The following ZNF804A variants were observed in gnomAD, a reference collection of about 807,000 sequenced individuals.
ZNF804A encodes zinc finger protein 804A.
In ZNF804A, 2 loss-of-function variants were observed where a neutral mutation model predicts 16.5. That is an observed-to-expected ratio of 0.12 (90% confidence interval 0.05 to 0.38). The LOEUF (loss-of-function observed/expected upper bound fraction) is 0.38. ZNF804A is among the 10% of genes least tolerant of loss of function. The pLI is 0.99. For synonymous variants in ZNF804A, 534 were observed against 489.6 expected (o/e 1.09, Z -1.20); for missense variants, 1,473 against 1,390.7 (o/e 1.06, Z -0.94).
intron 1 of ZNF804A, among the ~76,000 whole-genome samples, chr2:184,774,108 G>A (rs1375987946): frequency 6.6e-6 from 1 of 151,798 alleles, no homozygotes; most frequent in African/African-American, 2.4e-5. Context: ...GGTATTTTGT[G>A]TATTTAAAAA....
chr2:184,725,087 T>G (rs1403342828), intron 1 of ZNF804A, among the ~76,000 whole-genome samples: 1 of 151,708 alleles, frequency 6.6e-6, no homozygotes, highest in African/African-American at 2.4e-5. Context: ...ACACAGTGAT[T>G]AGCTACTAGG....
At chr2:184,653,806 T>C (rs1280006337) in intron 1 of ZNF804A, among the ~76,000 whole-genome samples, 1 of 152,194 alleles carries the variant, frequency 6.6e-6, no homozygotes, top group East Asian at 1.9e-4. Flanking sequence ...GCAGTTTGGC[T>C]TTTAATGTCC....
intron 1 of ZNF804A, among the ~76,000 whole-genome samples, chr2:184,792,784 C>A (rs1362208725): frequency 6.6e-6 from 1 of 151,488 alleles, no homozygotes; most frequent in African/African-American, 2.4e-5. Flanking sequence ...TTTTTTCCAA[C>A]TTTTATTTTA....
chr2:184,847,590 A>G (rs1198850455), intron 1 of ZNF804A, among the ~76,000 whole-genome samples: 4 of 152,074 alleles, frequency 2.6e-5, no homozygotes, highest in Non-Finnish European at 5.9e-5. Flanking sequence ...ATGTATTTCT[A>G]CAACAACACT....
intron 1 of ZNF804A, among the ~76,000 whole-genome samples, chr2:184,699,980 A>G (rs562481770): frequency 1.3e-5 from 2 of 152,182 alleles, no homozygotes; most frequent in South Asian, 4.1e-4. Flanking sequence ...CCTGCCTCTA[A>G]GAGCAGTGCA....
At chr2:184,738,175 A>G (rs1693660580) in intron 1 of ZNF804A, among the ~76,000 whole-genome samples, 1 of 152,060 alleles carries the variant, frequency 6.6e-6, no homozygotes, top group Non-Finnish European at 1.5e-5. Flanking sequence ...ATGGAAGCCA[A>G]TGAAGTGAAA....
Position 184,938,108 on chromosome 2 carries a change from T to C in ZNF804A, c.2712T>C (p.Ser904=), listed in dbSNP as rs562484318. The C allele has an allele frequency of 6.2e-6, 10 of 1,614,176 alleles. No individual in the cohort carries two copies. In the South Asian group the frequency reaches 8.8e-5, roughly 14 times the overall value. The stretch of plus-strand genomic sequence containing the variant: ...AGCATTTAGAAATGGAGACCACTTC[T>C]GGTGAATTGTCAGATGTTTCCAATG... ...ETEHLEMETT[S]GELSDVSNDP... The change falls in exon 4 of 4, where the codon TCT becomes TCC. Residue 904 remains serine, a synonymous_variant. Coordinates refer to ENST00000302277, the MANE Select transcript of ZNF804A (RefSeq NM_194250.2).
At chr2:184,693,101 AT>A (rs1008600579) in intron 1 of ZNF804A, among the ~76,000 whole-genome samples, 119 of 152,280 alleles carry the variant, frequency 7.8e-4, no homozygotes, top group African/African-American at 2.7e-3. Context: ...GAAATCATTC[AT>A]TGTGGGGTTA....
intron 2 of ZNF804A, among the ~76,000 whole-genome samples, chr2:184,901,487 G>A (rs1685181732): frequency 6.6e-6 from 1 of 152,166 alleles, no homozygotes; most frequent in Non-Finnish European, 1.5e-5. Context: ...TTGGTGGGAA[G>A]CATGACTTCA....
intron 1 of ZNF804A, among the ~76,000 whole-genome samples, chr2:184,744,361 A>G (rs1448464729): frequency 6.6e-6 from 1 of 151,902 alleles, no homozygotes; most frequent in East Asian, 1.9e-4. Context: ...TCATATGTTG[A>G]AACCCTAACC....
chr2:184,618,986 TA>T (rs1454487259), intron 1 of ZNF804A, among the ~76,000 whole-genome samples: 1 of 152,088 alleles, frequency 6.6e-6, no homozygotes, highest in Non-Finnish European at 1.5e-5. Flanking sequence ...CCTTTTAATA[TA>T]TTTTTTGGTA....
chr2:184,626,584 A>G (rs1691504560), intron 1 of ZNF804A, among the ~76,000 whole-genome samples: 2 of 152,174 alleles, frequency 1.3e-5, no homozygotes, highest in African/African-American at 4.8e-5. Flanking sequence ...GTAAATTATT[A>G]TGTTTATCTA....
intron 1 of ZNF804A, among the ~76,000 whole-genome samples, chr2:184,607,161 C>T (rs1015752504): frequency 2.0e-5 from 3 of 152,136 alleles, no homozygotes; most frequent in Admixed American, 6.5e-5. Flanking sequence ...TCTAAAACAA[C>T]CTCTATGTAA....
At chr2:184,805,784 G>A (rs1272551008) in intron 1 of ZNF804A, among the ~76,000 whole-genome samples, 1 of 151,998 alleles carries the variant, frequency 6.6e-6, no homozygotes, top group Non-Finnish European at 1.5e-5. Context: ...ATTAAAATGT[G>A]AGGCAAGGAT....
chr2:184,910,658 A>C (rs1685342120), intron 2 of ZNF804A, among the ~76,000 whole-genome samples: 1 of 152,000 alleles, frequency 6.6e-6, no homozygotes, highest in South Asian at 2.1e-4. Context: ...ACTTTTAAGT[A>C]ATAGCCATTC....
intron 1 of ZNF804A, among the ~76,000 whole-genome samples, chr2:184,607,135 C>T (rs920772218): frequency 6.6e-6 from 1 of 152,136 alleles, no homozygotes; most frequent in African/African-American, 2.4e-5. Flanking sequence ...CTCTCTCAAT[C>T]AACACACCTC....
At chr2:184,800,642 T>C (rs1365773319) in intron 1 of ZNF804A, among the ~76,000 whole-genome samples, 2 of 151,050 alleles carry the variant, frequency 1.3e-5, no homozygotes, top group African/African-American at 4.9e-5. Context: ...TATTGTACAA[T>C]TTTTTTATTT....
rs74617304 is a variant in ZNF804A at position 184,707,220 on chromosome 2, A to G, written c.111+108150A>G. Among the ~76,000 whole-genome samples, 695 of 152,238 alleles carry G rather than the reference A, an allele frequency of 4.6e-3. 12 individuals are homozygous for G. Among genetic ancestry groups the G allele is most frequent in the African/African-American group, 0.015 (636 of 41,554 alleles). ...GAAACCACTCACCTAGCCACTCTTAATATGTGTACATGGGTAATTTTGGAG... is the reference window on the plus strand; with the variant it reads ...GAAACCACTCACCTAGCCACTCTTAGTATGTGTACATGGGTAATTTTGGAG... On this transcript the variant is annotated intron_variant, in intron 1 of 3. Transcript: ENST00000302277.
intron 2 of ZNF804A, among the ~76,000 whole-genome samples, chr2:184,889,083 T>C (rs1684942669): frequency 6.6e-6 from 1 of 152,082 alleles, no homozygotes; most frequent in African/African-American, 2.4e-5. Flanking sequence ...GTCAACAGCA[T>C]GTACTTTAGT....
Sources: gnomAD v4.1 joint callset for allele counts (sites outside exome capture counted in the v4.1 genomes callset) on GRCh38, gnomAD v4.1.1 for gene constraint, MANE v1.5 for transcripts, NCBI Gene and HGNC (gene_info 2026-07-23, HGNC 2026-07-21) for gene names.